Variants in JHY observed in about 807,000 individuals in gnomAD.
JHY encodes junctional cadherin complex regulator.
A neutral mutation model predicts 78.0 loss-of-function variants in JHY; 69 were observed. That is an observed-to-expected ratio of 0.88 (90% CI 0.73 to 1.08). JHY has a LOEUF of 1.08. JHY is among the 50% of genes least tolerant of loss of function. The pLI is 0.00. For synonymous variants in JHY, 368 were observed against 342.6 expected (o/e 1.07, Z -0.82); for missense variants, 944 against 927.8 (o/e 1.02, Z -0.23).
chr11:122,899,809 G>C (rs376896571), intron 2 of JHY, among the ~76,000 whole-genome samples: 2 of 152,218 alleles, frequency 1.3e-5, no homozygotes, highest in Admixed American at 1.3e-4. Flanking sequence ...CCGATTTATA[G>C]ATGAGAAAAA....
Position 122,961,433 on chromosome 11 carries a change from C to A in JHY, c.*1988C>A, listed in dbSNP as rs1186130998. On this transcript the variant is annotated 3_prime_UTR_variant, in exon 9 of 9. Transcript: ENST00000227349. ...CTCCGCCTCCTGGATTCAAGCGATT[C>A]TCCTGTCTCAGCCTCCCTTCAAGCA... 6.6e-6 allele frequency among the ~76,000 whole-genome samples: 1 copy of A among 152,082 alleles called. No homozygotes were observed. The highest frequency in any genetic ancestry group is 1.9e-4 in the East Asian group (1 of 5,188).
rs1862492855 is a variant in JHY at position 122,886,166 on chromosome 11, A to G, written c.317A>G (p.His106Arg). ...AAQMAREQNHHTWDQGANNRQ... is the reference protein window; with the variant it reads ...AAQMAREQNHRTWDQGANNRQ... Reference sequence around the variant, plus strand: ...CAGATGGCTCGCGAGCAAAACCACCATACCTGGGACCAGGGCGCCAATAAC... The same window carrying G: ...CAGATGGCTCGCGAGCAAAACCACCGTACCTGGGACCAGGGCGCCAATAAC... The change falls in exon 2 of 9, where the codon CAT (histidine) becomes CGT (arginine). Residue 106 changes from histidine (H) to arginine (R), a missense_variant. Transcript: ENST00000227349. 1 of 1,612,784 alleles carries G rather than the reference A, an allele frequency of 6.2e-7. No homozygotes were observed. The highest frequency in any genetic ancestry group is 1.3e-5 in the African/African-American group (1 of 74,866).
At chr11:122,907,494 C>T (rs1386767048) in intron 3 of JHY, among the ~76,000 whole-genome samples, 1 of 152,080 alleles carries the variant, frequency 6.6e-6, no homozygotes, top group Admixed American at 6.5e-5. Flanking sequence ...AATGGCATTT[C>T]TAGAGCAGTA....
intron 3 of JHY, among the ~76,000 whole-genome samples, chr11:122,920,480 A>G (rs1863337655): frequency 6.6e-6 from 1 of 152,252 alleles, no homozygotes; most frequent in Non-Finnish European, 1.5e-5. Context: ...ACTTAACGGT[A>G]ACATCCTTAT....
chr11:122,884,134 A>G lies in JHY; in HGVS notation c.-90+1162A>G, dbSNP rs149751234. 7.4e-4 allele frequency among the ~76,000 whole-genome samples: 112 copies of G among 152,372 alleles called. 2 individuals are homozygous for G. In the East Asian group the frequency reaches 0.017, roughly 23 times the overall value. ...ATAATACAACAAACCAGTCTGTAAT[A>G]TTAGAGAATAATATGTTAGTCTACC... is the stretch of plus-strand genomic sequence containing the variant. On this transcript the variant is annotated intron_variant, in intron 1 of 8. Transcript: ENST00000227349.
chr11:122,888,037 T>G (rs552861084), intron 2 of JHY, among the ~76,000 whole-genome samples: 1 of 73,198 alleles, frequency 1.4e-5, no homozygotes, highest in Non-Finnish European at 2.7e-5. Context: ...TTCTTCTTCC[T>G]TCCTTTCGTC....
intron 4 of JHY, among the ~76,000 whole-genome samples, chr11:122,929,536 T>C (rs574915014): frequency 6.6e-6 from 1 of 152,150 alleles, no homozygotes; most frequent in Non-Finnish European, 1.5e-5. Context: ...GTTGACATAG[T>C]TGGTAAGGGC....
At position 122,960,871 on chromosome 11, in the gene JHY, T is replaced by C. The variant is rs1316679248; in HGVS notation, c.*1426T>C. 5 of 677,308 alleles carry C rather than the reference T, an allele frequency of 7.4e-6. No individual in the cohort carries two copies. The highest frequency in any genetic ancestry group is 1.4e-5 in the Non-Finnish European group (5 of 348,346). The allele number at this position is 677,308 out of a possible 1,614,324, so 42.0% of individuals were successfully genotyped here. ...AATAACATTGCTATGGCTGTGGAGG[T>C]TACTTACTGGGAATGACTGCATAGA... On this transcript the variant is annotated 3_prime_UTR_variant, in exon 9 of 9. Coordinates refer to ENST00000227349, the MANE Select transcript of JHY (RefSeq NM_024806.4).
chr11:122,889,932 A>G (rs998561758), intron 2 of JHY, among the ~76,000 whole-genome samples: 1 of 152,084 alleles, frequency 6.6e-6, no homozygotes, highest in Non-Finnish European at 1.5e-5. Flanking sequence ...CTTTTAGTAG[A>G]GATGGGGTCT....
Position 122,898,230 on chromosome 11 carries a change from G to A in JHY, c.345-5695G>A, listed in dbSNP as rs375659353. Among the ~76,000 whole-genome samples, 1 of 152,150 alleles carries A rather than the reference G, an allele frequency of 6.6e-6. No individual in the cohort carries two copies. Among genetic ancestry groups the A allele is most frequent in the Admixed American group, 6.5e-5 (1 of 15,270 alleles). ...GCCTAAGATTCTGCCTGTATGTAGG[G>A]AGGTGTTCCATGCTTATCTGTTGAC... On this transcript the variant is annotated intron_variant, in intron 2 of 8. Transcript: ENST00000227349. The surrounding 1 kb of genome is among the most constrained non-coding windows in gnomAD (Gnocchi z 4.4).
At chr11:122,943,787 G>A (rs1863916817) in intron 5 of JHY, among the ~76,000 whole-genome samples, 1 of 152,092 alleles carries the variant, frequency 6.6e-6, no homozygotes, top group African/African-American at 2.4e-5. Flanking sequence ...TTAGCATTGA[G>A]TCTGGTATAT....
Position 122,946,521 on chromosome 11 carries a change from G to T in JHY, c.1658G>T (p.Ser553Ile). The change falls in exon 6 of 9, where the codon AGC becomes ATC. Residue 553 changes from serine to isoleucine, a missense_variant. Coordinates refer to ENST00000227349, the MANE Select transcript of JHY (RefSeq NM_024806.4). ...MLWKFHSSSD[S>I]QTVRASPDSW... ...AGGAAATTCCATTCTTCTTCTGACA[G>T]CCAGACGGTTAGAGCTTCTCCAGAT... 1.9e-6 allele frequency: 3 copies of T among 1,588,004 alleles called. No homozygotes were observed. Among genetic ancestry groups the T allele is most frequent in the South Asian group, 1.2e-5 (1 of 86,424 alleles).
intron 3 of JHY, among the ~76,000 whole-genome samples, chr11:122,921,475 C>T (rs1591383033): frequency 6.6e-6 from 1 of 152,176 alleles, no homozygotes; most frequent in Non-Finnish European, 1.5e-5. Context: ...ATTTCCTTGC[C>T]TGCTAAGTCA....
rs777093857 is a variant in JHY at position 122,904,352 on chromosome 11, A to G, written c.772A>G (p.Lys258Glu). The G allele has an allele frequency of 6.2e-7, 1 of 1,614,180 alleles. No homozygotes were observed. The highest frequency in any genetic ancestry group is 1.1e-5 in the South Asian group (1 of 91,078). ...RRKSKQHFVEKNKLTLGLPTP... is the reference protein window; with the variant it reads ...RRKSKQHFVEENKLTLGLPTP... Reference sequence around the variant, plus strand: ...GAAATCCAAACAACATTTTGTGGAAAAAAACAAGCTCACTTTGGGATTACC... The same window carrying G: ...GAAATCCAAACAACATTTTGTGGAAGAAAACAAGCTCACTTTGGGATTACC... The change falls in exon 3 of 9, where the codon AAA becomes GAA. Residue 258 changes from lysine to glutamate, a missense_variant. Physicochemically the swap from Lys to Glu is moderately conservative, Grantham distance 56 (BLOSUM62 1). Transcript: ENST00000227349.
chr11:122,922,809 C>CA (rs571482464), intron 3 of JHY, among the ~76,000 whole-genome samples: 2,336 of 44,184 alleles, frequency 0.053, 317 homozygotes, highest in Non-Finnish European at 0.12. Flanking sequence ...GACTCCGTCT[C>CA]AAAAAAAAAA....
At chr11:122,937,626 C>A (rs1302484885) in intron 5 of JHY, among the ~76,000 whole-genome samples, 1 of 152,126 alleles carries the variant, frequency 6.6e-6, no homozygotes, top group Non-Finnish European at 1.5e-5. Context: ...CAGTTCTCAG[C>A]GTGCCAGTGT....
At chr11:122,941,105 G>A (rs1450018996) in intron 5 of JHY, among the ~76,000 whole-genome samples, 3 of 152,042 alleles carry the variant, frequency 2.0e-5, no homozygotes, top group African/African-American at 4.8e-5. Context: ...GAACTCATGT[G>A]GAAGCATCAG....
At chr11:122,910,151 TAAGA>T (rs1863082030) in intron 3 of JHY, among the ~76,000 whole-genome samples, 1 of 151,948 alleles carries the variant, frequency 6.6e-6, no homozygotes, top group African/African-American at 2.4e-5. Context: ...GATTTCTTAT[TAAGA>T]AAGAAATTCA....
Position 122,959,468 on chromosome 11 carries a change from C to T in JHY, c.*23C>T. 1.9e-6 allele frequency: 3 copies of T among 1,606,820 alleles called. No homozygotes were observed. The highest frequency in any genetic ancestry group is 2.7e-5 in the African/African-American group (2 of 74,664). On this transcript the variant is annotated 3_prime_UTR_variant, in exon 9 of 9. Transcript: ENST00000227349. ...TAGACAACATTTGATAGGAAGGAGA[C>T]CAAAAATGGTCCAGGAATGAACGTG...
Sources: gnomAD v4.1 joint callset for allele counts (sites outside exome capture counted in the v4.1 genomes callset) on GRCh38, gnomAD v4.1.1 for gene constraint, Gnocchi (gnomAD v3.1) non-coding constraint, MANE v1.5 for transcripts, NCBI Gene and HGNC (gene_info 2026-07-23, HGNC 2026-07-21) for gene names.